The following KLHL20 variants were observed in gnomAD, a reference collection of about 807,000 sequenced individuals.
KLHL20 encodes the protein kelch-like protein 20.
In KLHL20, 29 loss-of-function variants were observed where a neutral mutation model predicts 69.5. The ratio of observed to expected loss-of-function variants is 0.42; its 90% CI spans 0.31 to 0.57. KLHL20 has a LOEUF of 0.57. Ranked by LOEUF, KLHL20 falls within the 20% of genes least tolerant of loss-of-function variation. The pLI, the probability that KLHL20 is intolerant of heterozygous loss-of-function variation, is 0.18. For synonymous variants in KLHL20, 253 were observed against 265.2 expected (o/e 0.95, Z 0.45); for missense variants, 419 against 776.0 (o/e 0.54, Z 5.47).
intron 3 of KLHL20, among the ~76,000 whole-genome samples, chr1:173,751,093 C>T (rs1673292033): frequency 6.6e-6 from 1 of 152,144 alleles, no homozygotes; most frequent in African/African-American, 2.4e-5. Context: ...CTCTGCGTTG[C>T]ACCCTGTCCC....
In KLHL20 at chr1:173,734,041, G is replaced by T; in HGVS notation, c.352G>T (p.Ala118Ser). The T allele has an allele frequency of 6.2e-7, 1 of 1,614,178 alleles. No individual in the cohort carries two copies. Among genetic ancestry groups the T allele is most frequent in the Non-Finnish European group, 8.5e-7 (1 of 1,180,028 alleles). The change falls in exon 3 of 12, where the codon GCT becomes TCT. Residue 118 changes from alanine (A) to serine (S), a missense_variant. Around this residue, in one of 6 missense-constraint regions of KLHL20, gnomAD observed 129 missense variants for 183.6 expected, o/e 0.70. Coordinates refer to ENST00000209884, the MANE Select transcript of KLHL20 (RefSeq NM_014458.4). ...AGTGATCCGAGACATTGACGAGAGG[G>T]CTATGGAATTACTGATTGACTTTGC... ...EVVIRDIDER[A>S]MELLIDFAYT...
chr1:173,756,988 G>A lies in KLHL20; in HGVS notation c.980G>A (p.Cys327Tyr). The A allele has an allele frequency of 1.2e-6, 2 of 1,613,970 alleles. No homozygotes were observed. Among genetic ancestry groups the A allele is most frequent in the Non-Finnish European group, 1.7e-6 (2 of 1,179,896 alleles). ...GTTACTTCCCCAGTTGGTGGTTGGT[G>A]CAGTGGAGATGCCATTTCCAGTGTT... ...GEVLFAVGGW[C>Y]SGDAISSVER... Residue 327 changes from cysteine to tyrosine, a missense_variant, in exon 7 of 12, where the codon TGC (cysteine) becomes TAC (tyrosine). Physicochemically the swap from Cys to Tyr is radical, Grantham distance 194. Transcript: ENST00000209884.
intron 8 of KLHL20, among the ~76,000 whole-genome samples, chr1:173,772,610 TATTG>T (rs1648168849): frequency 6.6e-6 from 1 of 152,222 alleles, no homozygotes; most frequent in South Asian, 2.1e-4. Flanking sequence ...CATATTATTA[TATTG>T]ATTAACCAAA....
intron 6 of KLHL20, among the ~76,000 whole-genome samples, chr1:173,756,607 G>T (rs560747952): frequency 6.6e-6 from 1 of 152,240 alleles, no homozygotes; most frequent in South Asian, 2.1e-4. Context: ...ATATATCAAT[G>T]TGCAGCTCAT....
intron 10 of KLHL20, among the ~76,000 whole-genome samples, chr1:173,778,170 C>T (rs1648599639): frequency 6.6e-6 from 1 of 152,030 alleles, no homozygotes; most frequent in Non-Finnish European, 1.5e-5. Flanking sequence ...TTGCTGCACC[C>T]ATCAACTCGT....
intron 2 of KLHL20, among the ~76,000 whole-genome samples, chr1:173,722,617 T>TA (rs963470208): frequency 5.4e-5 from 8 of 148,940 alleles, no homozygotes; most frequent in African/African-American, 2.0e-4. Flanking sequence ...ACCTTATTTC[T>TA]AAAAAAAAGA....
At position 173,753,360 on chromosome 1, in the gene KLHL20, C is replaced by G. The variant is rs1673394472; in HGVS notation, c.851+53C>G. On this transcript the variant is annotated intron_variant, in intron 5 of 11. Coordinates refer to ENST00000209884, the MANE Select transcript of KLHL20 (RefSeq NM_014458.4). ...CAACAACTAAGCATTCCTATTTTTT[C>G]CTAATTTCCTTATTTGTATTGCTTC... 4 of 1,327,538 alleles carry G rather than the reference C, an allele frequency of 3.0e-6. No individual in the cohort carries two copies. The East Asian group carries it at 9.3e-5, about 31-fold the overall frequency. The allele number at this position is 1,327,538 out of a possible 1,614,324, so 82.2% of individuals were successfully genotyped here.
chr1:173,737,055 C>T (rs1247620949), intron 3 of KLHL20, among the ~76,000 whole-genome samples: 1 of 152,060 alleles, frequency 6.6e-6, no homozygotes, highest in Non-Finnish European at 1.5e-5. Flanking sequence ...GTCTTTAGCC[C>T]ACTTTTTGAT....
At chr1:173,756,372 A>G (rs1673546971) in intron 6 of KLHL20, among the ~76,000 whole-genome samples, 1 of 141,246 alleles carries the variant, frequency 7.1e-6, no homozygotes, top group Non-Finnish European at 1.5e-5. Flanking sequence ...ACAAAAAATA[A>G]GAAAAACAAT....
At chr1:173,732,764 A>G (rs78937895) in intron 2 of KLHL20, among the ~76,000 whole-genome samples, 3,917 of 152,264 alleles carry the variant, frequency 0.026, 67 homozygotes, top group Non-Finnish European at 0.037. Flanking sequence ...CACTTATTTT[A>G]TAATCATACC....
chr1:173,752,636 C>T (rs1673365410), intron 4 of KLHL20, among the ~76,000 whole-genome samples: 1 of 152,164 alleles, frequency 6.6e-6, no homozygotes, highest in African/African-American at 2.4e-5. Context: ...AAGACCCATT[C>T]TTGTTATTGT....
At chr1:173,782,334 T>C in intron 11 of KLHL20, 104 bp downstream of exon 11, 1 of 764,526 alleles carries the variant, frequency 1.3e-6, no homozygotes, top group Non-Finnish European at 2.2e-6. Flanking sequence ...TACATTGGAG[T>C]ACTTTGAAGA....
chr1:173,720,522 A>G (rs907484356), intron 2 of KLHL20, among the ~76,000 whole-genome samples: 4 of 152,210 alleles, frequency 2.6e-5, no homozygotes, highest in African/African-American at 7.2e-5. Flanking sequence ...ACATTATTAT[A>G]TACATCGTTT....
intron 3 of KLHL20, among the ~76,000 whole-genome samples, chr1:173,739,109 G>A (rs1672671676): frequency 6.6e-6 from 1 of 151,902 alleles, no homozygotes; most frequent in Non-Finnish European, 1.5e-5. Flanking sequence ...GTCTTGCTCT[G>A]TCGACCAGGC....
At chr1:173,746,874 C>T (rs1051897764) in intron 3 of KLHL20, among the ~76,000 whole-genome samples, 1 of 151,786 alleles carries the variant, frequency 6.6e-6, no homozygotes, top group African/African-American at 2.4e-5. Flanking sequence ...CTATTCTTCT[C>T]GGATCACTAG....
At position 173,775,833 on chromosome 1, in the gene KLHL20, C is replaced by T. The variant is rs745797960; in HGVS notation, c.1629C>T (p.Arg543=). The part of the protein sequence containing the change: ...QWSPVVAMTS[R]RSGVGLAVVN... ...CTCCAGTGGTGGCCATGACATCACG[C>T]CGTAGTGGAGTAAGTGGTTATGGAC... The change falls in exon 10 of 12, where the codon CGC becomes CGT. Residue 543 remains arginine (R), a synonymous_variant. Transcript: ENST00000209884. 8.7e-6 allele frequency: 14 copies of T among 1,613,908 alleles called. No individual in the cohort carries two copies. Among genetic ancestry groups the T allele is most frequent in the Non-Finnish European group, 1.2e-5 (14 of 1,179,924 alleles).
At chr1:173,770,396 T>C (rs1648007376) in intron 8 of KLHL20, among the ~76,000 whole-genome samples, 1 of 151,996 alleles carries the variant, frequency 6.6e-6, no homozygotes, top group Non-Finnish European at 1.5e-5. Flanking sequence ...GGAAATATTT[T>C]AAGGTCAAAA....
chr1:173,742,808 T>C (rs1212192216), intron 3 of KLHL20, among the ~76,000 whole-genome samples: 2 of 151,420 alleles, frequency 1.3e-5, no homozygotes, highest in African/African-American at 4.8e-5. Flanking sequence ...AAGTTATTAA[T>C]AGTATTAGGC....
Position 173,785,847 on chromosome 1 carries a change from A to T in KLHL20, c.*600A>T, listed in dbSNP as rs550206433. On this transcript the variant is annotated 3_prime_UTR_variant, in exon 12 of 12. Coordinates refer to ENST00000209884, the MANE Select transcript of KLHL20 (RefSeq NM_014458.4). ...CAATAAAAACCAGGACTCAGACACT[A>T]CAGTTTTCATCAGTGTAATTTTATG... 1.2e-4 allele frequency: 19 copies of T among 152,200 alleles called. No homozygotes were observed. In the South Asian group the frequency reaches 3.7e-3, roughly 30 times the overall value. The allele number at this position is 152,200 out of a possible 1,614,324, so 9.4% of individuals were successfully genotyped here.
Sources: allele counts gnomAD v4.1 joint callset (sites outside exome capture counted in the v4.1 genomes callset), GRCh38; gene constraint gnomAD v4.1.1; regional missense constraint gnomAD v4.1.1; transcripts MANE v1.5; gene names NCBI Gene and HGNC (gene_info 2026-07-23, HGNC 2026-07-21).